Variants in LPAR3 observed in about 807,000 individuals in gnomAD.
LPAR3 encodes the protein lysophosphatidic acid receptor 3, also known as LPA receptor 3.
LPAR3 carries 7 observed loss-of-function variants against 17.8 expected under a neutral mutation model. The observed-to-expected ratio is 0.39, with a 90% confidence interval of 0.22 to 0.74. The LOEUF is 0.74. Ranked by LOEUF, LPAR3 falls within the 30% of genes least tolerant of loss-of-function variation. The pLI is 0.40. For missense variants in LPAR3, 391 were observed against 453.4 expected (o/e 0.86, Z 1.25); for synonymous variants, 179 against 179.9 (o/e 0.99, Z 0.04).
At chr1:84,845,041 A>C (rs957010232) in intron 2 of LPAR3, among the ~76,000 whole-genome samples, 1 of 152,200 alleles carries the variant, frequency 6.6e-6, no homozygotes, top group South Asian at 2.1e-4. Context: ...GCACTTCAAT[A>C]TTTATAAAAC....
chr1:84,832,648 A>G (rs374745121), intron 2 of LPAR3, among the ~76,000 whole-genome samples: 2 of 152,108 alleles, frequency 1.3e-5, no homozygotes, highest in African/African-American at 2.4e-5. Context: ...TACACCAAAC[A>G]CCTTCGAGAT....
chr1:84,879,316 C>CTTTTTTTTTTTTTT (rs1187756554), intron 1 of LPAR3, among the ~76,000 whole-genome samples: 20 of 120,620 alleles, frequency 1.7e-4, no homozygotes, highest in African/African-American at 4.5e-4. Context: ...TTTCTTTTTT[C>CTTTTTTTTTTTTTT]TTTTTTTTTT....
intron 2 of LPAR3, among the ~76,000 whole-genome samples, chr1:84,852,096 G>A (rs1659725756): frequency 6.6e-6 from 1 of 151,154 alleles, no homozygotes; most frequent in African/African-American, 2.4e-5. Flanking sequence ...CTGTCACCAG[G>A]GTGGAATGCA....
intron 1 of LPAR3, among the ~76,000 whole-genome samples, chr1:84,875,184 GC>G (rs1660233075): frequency 6.6e-6 from 1 of 152,204 alleles, no homozygotes; most frequent in African/African-American, 2.4e-5. Context: ...ACAGACGTGA[GC>G]CATCATGCTT....
intron 2 of LPAR3, among the ~76,000 whole-genome samples, chr1:84,859,565 A>C (rs1468944165): frequency 6.6e-6 from 1 of 152,206 alleles, no homozygotes; most frequent in Non-Finnish European, 1.5e-5. Flanking sequence ...ATCACAACCC[A>C]GCACACACAC....
Position 84,865,658 on chromosome 1 carries a change from T to C in LPAR3, c.463A>G (p.Ile155Val). Residue 155 changes from isoleucine to valine, a missense_variant, in exon 2 of 3, where the codon ATC (isoleucine) becomes GTC (valine). Coordinates refer to ENST00000370611, the MANE Select transcript of LPAR3 (RefSeq NM_012152.3). The stretch of plus-strand genomic sequence containing the variant: ...GGGACCGCCCCCATAAAAATGGCGA[T>C]GGCCCAGACAAGCAAAATGAGCAGT... ...VTLLILLVWA[I>V]AIFMGAVPTL... 1 of 1,614,182 alleles carries C rather than the reference T, an allele frequency of 6.2e-7. No homozygotes were observed. Among genetic ancestry groups the C allele is most frequent in the African/African-American group, 1.3e-5 (1 of 75,034 alleles).
Position 84,872,774 on chromosome 1 carries a change from C to T in LPAR3, c.-18-6636G>A, listed in dbSNP as rs528414150. On this transcript the variant is annotated intron_variant, in intron 1 of 2. Transcript: ENST00000370611. ...CAAAGAGCACAATATGGAAATGGGG[C>T]GGGCGGTGGGGGCAGTTAGTGACGT... 2.2e-4 allele frequency among the ~76,000 whole-genome samples: 33 copies of T among 152,132 alleles called. No homozygotes were observed. In the East Asian group the frequency reaches 5.0e-3, roughly 23 times the overall value.
intron 2 of LPAR3, among the ~76,000 whole-genome samples, chr1:84,841,132 AAAT>A (rs956243035): frequency 1.3e-5 from 2 of 152,196 alleles, no homozygotes; most frequent in African/African-American, 2.4e-5. Flanking sequence ...TTGGCAATGA[AAAT>A]AATAAGTATT....
At chr1:84,882,034 A>C (rs1660375495) in intron 1 of LPAR3, among the ~76,000 whole-genome samples, 2 of 152,260 alleles carry the variant, frequency 1.3e-5, no homozygotes, top group African/African-American at 4.8e-5. Context: ...GAAACAAAGA[A>C]GTAAAATTAT....
intron 2 of LPAR3, among the ~76,000 whole-genome samples, chr1:84,825,066 A>T (rs1659131164): frequency 6.6e-6 from 1 of 152,136 alleles, no homozygotes; most frequent in Non-Finnish European, 1.5e-5. Context: ...ATCTCCATCT[A>T]TATGTCACTG....
chr1:84,847,582 A>AC (rs1190635381), intron 2 of LPAR3, among the ~76,000 whole-genome samples: 2 of 151,778 alleles, frequency 1.3e-5, no homozygotes, highest in Admixed American at 6.6e-5. Flanking sequence ...GAATCTGAAG[A>AC]CCCCCCTGTC....
intron 2 of LPAR3, among the ~76,000 whole-genome samples, chr1:84,818,745 T>G (rs1658990045): frequency 6.6e-6 from 1 of 152,180 alleles, no homozygotes; most frequent in Admixed American, 6.5e-5. Context: ...ATCATACATT[T>G]TGGGCTAATC....
At chr1:84,875,599 T>C (rs1660241697) in intron 1 of LPAR3, among the ~76,000 whole-genome samples, 1 of 152,270 alleles carries the variant, frequency 6.6e-6, no homozygotes, top group Non-Finnish European at 1.5e-5. Flanking sequence ...TGGACTTCCC[T>C]GTCTCCAGAC....
intron 1 of LPAR3, among the ~76,000 whole-genome samples, chr1:84,875,480 A>T (rs1357281825): frequency 6.6e-6 from 1 of 152,186 alleles, no homozygotes; most frequent in African/African-American, 2.4e-5. Context: ...TGGGCTCCTG[A>T]TAAAAAAGAA....
At position 84,865,503 on chromosome 1, in the gene LPAR3, G is replaced by A. The variant is rs1660025618; in HGVS notation, c.618C>T (p.Tyr206=). Residue 206 remains tyrosine (Y), a synonymous_variant, in exon 2 of 3, where the codon TAC becomes TAT. Coordinates refer to ENST00000370611, the MANE Select transcript of LPAR3 (RefSeq NM_012152.3). ...TCTTGACGTACACGTAGATCCGCAG[G>A]TACACCACAACCATGATGAGGAAGG... is the stretch of plus-strand genomic sequence containing the variant. The part of the protein sequence containing the change: ...LMAFLIMVVV[Y]LRIYVYVKRK... 6.2e-7 allele frequency: 1 copy of A among 1,614,154 alleles called. No homozygotes were observed. The highest frequency in any genetic ancestry group is 2.2e-5 in the East Asian group (1 of 44,884).
At chr1:84,826,059 C>G (rs1314023968) in intron 2 of LPAR3, among the ~76,000 whole-genome samples, 1 of 151,694 alleles carries the variant, frequency 6.6e-6, no homozygotes, top group Non-Finnish European at 1.5e-5. Flanking sequence ...CGGTGCTTTG[C>G]GGAGTTGTGC....
At chr1:84,858,505 C>A (rs113371736) in intron 2 of LPAR3, among the ~76,000 whole-genome samples, 125 of 129,486 alleles carry the variant, frequency 9.7e-4, no homozygotes, top group Non-Finnish European at 1.4e-3. Flanking sequence ...AAAAAAAAAA[C>A]CTAAAAAACA....
chr1:84,845,797 G>C (rs1193444222), intron 2 of LPAR3, among the ~76,000 whole-genome samples: 1 of 152,126 alleles, frequency 6.6e-6, no homozygotes. Context: ...GGAAAAATGA[G>C]ATTTTTAGAA....
chr1:84,833,667 G>A, intron 2 of LPAR3, among the ~76,000 whole-genome samples: 1 of 152,180 alleles, frequency 6.6e-6, no homozygotes, highest in Non-Finnish European at 1.5e-5. Context: ...TTCCTTATAG[G>A]TAACCTTAGG....
Sources: gnomAD v4.1 joint callset for allele counts (sites outside exome capture counted in the v4.1 genomes callset) on GRCh38, gnomAD v4.1.1 for gene constraint, MANE v1.5 for transcripts, NCBI Gene and HGNC (gene_info 2026-07-23, HGNC 2026-07-21) for gene names.